The following SEMA3E variants were observed in gnomAD, a reference collection of about 807,000 sequenced individuals.
SEMA3E encodes semaphorin-3E.
A neutral mutation model predicts 93.6 loss-of-function variants in SEMA3E; 49 were observed. The ratio of observed to expected loss-of-function variants is 0.52; its 90% CI spans 0.42 to 0.66. The LOEUF is 0.66. Ranked by LOEUF, SEMA3E falls within the 30% of genes least tolerant of loss-of-function variation. SEMA3E has a pLI of 0.00. For missense variants in SEMA3E, 906 were observed against 964.8 expected (o/e 0.94, Z 0.81); for synonymous variants, 363 against 330.7 (o/e 1.10, Z -1.06).
intron 4 of SEMA3E, among the ~76,000 whole-genome samples, chr7:83,459,015 A>ATGAAGAAATATTATT (rs1789555511): frequency 6.7e-6 from 1 of 148,788 alleles, no homozygotes; most frequent in Non-Finnish European, 1.5e-5. Context: ...GAGTGGGTAA[A>ATGAAGAAATATTATT]TGAAGAAATA....
At chr7:83,382,922 A>C (rs1787806713) in intron 16 of SEMA3E, among the ~76,000 whole-genome samples, 1 of 152,012 alleles carries the variant, frequency 6.6e-6, no homozygotes, top group Admixed American at 6.6e-5. Flanking sequence ...AGATTAATTC[A>C]GTTTCTAAAG....
intron 4 of SEMA3E, among the ~76,000 whole-genome samples, chr7:83,426,062 G>C (rs1159270106): frequency 6.6e-6 from 1 of 152,104 alleles, no homozygotes; most frequent in East Asian, 1.9e-4. Flanking sequence ...TTATTAAAAA[G>C]TCAATAAATA....
intron 2 of SEMA3E, among the ~76,000 whole-genome samples, chr7:83,475,591 C>T (rs1483139181): frequency 2.6e-5 from 4 of 152,110 alleles, no homozygotes; most frequent in African/African-American, 9.7e-5. Context: ...CACGCATCAC[C>T]CCCTGCAGGA....
rs1290952317 is a variant in SEMA3E, at chr7:83,454,477, T to G, written c.456+12005A>C. ...TTATTTGTGAAAGGACAAAGAATAT[T>G]AAATGCATGGCTATAATGATCTCAG... is the stretch of plus-strand genomic sequence containing the variant. On this transcript the variant is annotated intron_variant, in intron 4 of 16. Coordinates refer to ENST00000643230, the MANE Select transcript of SEMA3E (RefSeq NM_012431.3). Among the ~76,000 whole-genome samples, 3 of 151,762 alleles carry G rather than the reference T, an allele frequency of 2.0e-5. 1 individual carries two copies. The South Asian group carries it at 6.2e-4, about 31-fold the overall frequency.
At chr7:83,429,096 T>C (rs1272501322) in intron 4 of SEMA3E, among the ~76,000 whole-genome samples, 4 of 152,132 alleles carry the variant, frequency 2.6e-5, no homozygotes, top group Non-Finnish European at 5.9e-5. Flanking sequence ...TATTAAGATT[T>C]TTTTCAAAAA....
At chr7:83,550,288 A>G (rs1022527727) in intron 1 of SEMA3E, among the ~76,000 whole-genome samples, 12 of 152,134 alleles carry the variant, frequency 7.9e-5, no homozygotes, top group Non-Finnish European at 1.5e-5. Flanking sequence ...TCAAATTGTT[A>G]TGATCTTACA....
intron 1 of SEMA3E, among the ~76,000 whole-genome samples, chr7:83,580,033 A>G (rs1046470881): frequency 6.6e-6 from 1 of 152,052 alleles, no homozygotes; most frequent in African/African-American, 2.4e-5. Flanking sequence ...GCAGCAATCA[A>G]TTTAATTTTA....
chr7:83,370,443 A>T (rs1794735117), intron 16 of SEMA3E, among the ~76,000 whole-genome samples: 1 of 151,990 alleles, frequency 6.6e-6, no homozygotes, highest in East Asian at 1.9e-4. Context: ...TTCAGTGGTG[A>T]CCCTTAAAAC....
At chr7:83,608,468 GT>G (rs1359972561) in intron 1 of SEMA3E, among the ~76,000 whole-genome samples, 1 of 151,866 alleles carries the variant, frequency 6.6e-6, no homozygotes, top group Non-Finnish European at 1.5e-5. Flanking sequence ...ATTTTTTAAA[GT>G]TTTTGTCCAG....
At chr7:83,578,476 A>C (rs1792453813) in intron 1 of SEMA3E, among the ~76,000 whole-genome samples, 1 of 152,090 alleles carries the variant, frequency 6.6e-6, no homozygotes, top group East Asian at 1.9e-4. Flanking sequence ...GAATAGCTTG[A>C]ACTCAGGAGG....
chr7:83,428,007 A>G (rs908178028), intron 4 of SEMA3E, among the ~76,000 whole-genome samples: 3 of 152,236 alleles, frequency 2.0e-5, no homozygotes, highest in Non-Finnish European at 1.5e-5. Flanking sequence ...AAATTTTTCA[A>G]TGGCTTCTCT....
chr7:83,375,891 C>T (rs1794816100), intron 16 of SEMA3E, among the ~76,000 whole-genome samples: 1 of 152,034 alleles, frequency 6.6e-6, no homozygotes, highest in Non-Finnish European at 1.5e-5. Context: ...AATAGGAACT[C>T]TGTCTCCGCC....
chr7:83,473,012 G>A (rs1320854751), intron 2 of SEMA3E, among the ~76,000 whole-genome samples: 2 of 152,164 alleles, frequency 1.3e-5, no homozygotes, highest in Non-Finnish European at 2.9e-5. Context: ...GCTGAACTGT[G>A]AGTCAATTAA....
intron 1 of SEMA3E, among the ~76,000 whole-genome samples, chr7:83,542,794 G>A (rs759212030): frequency 3.9e-5 from 6 of 152,044 alleles, no homozygotes; most frequent in Non-Finnish European, 8.8e-5. Context: ...CAGGGTTTAG[G>A]TAGTAATTTA....
chr7:83,460,500 C>T lies in SEMA3E; in HGVS notation c.456+5982G>A, dbSNP rs868649559. Among the ~76,000 whole-genome samples, 10 of 151,982 alleles carry T rather than the reference C, an allele frequency of 6.6e-5. No homozygotes were observed. The East Asian group carries it at 7.8e-4, about 12-fold the overall frequency. On this transcript the variant is annotated intron_variant, in intron 4 of 16. Coordinates refer to ENST00000643230, the MANE Select transcript of SEMA3E (RefSeq NM_012431.3). ...GGACGCCGCTCTGATTATTTACCCA[C>T]GTTTCAAAGGTGTCAGACCACGCAG... is the stretch of plus-strand genomic sequence containing the variant.
chr7:83,379,977 C>A (rs1787745764), intron 16 of SEMA3E, among the ~76,000 whole-genome samples: 1 of 151,812 alleles, frequency 6.6e-6, no homozygotes, highest in South Asian at 2.1e-4. Flanking sequence ...CATGCCAAAT[C>A]TTCCATTGGG....
intron 1 of SEMA3E, among the ~76,000 whole-genome samples, chr7:83,567,502 A>G (rs1301158496): frequency 6.6e-6 from 1 of 152,160 alleles, no homozygotes; most frequent in Non-Finnish European, 1.5e-5. Flanking sequence ...GCCATATGTT[A>G]GAACACAGAG....
chr7:83,452,131 A>G (rs372754661), intron 4 of SEMA3E, among the ~76,000 whole-genome samples: 1 of 151,414 alleles, frequency 6.6e-6, no homozygotes, highest in African/African-American at 2.4e-5. Flanking sequence ...ATGTGTATGT[A>G]TGTGTGTGTG....
At chr7:83,488,632 CCTT>C (rs1233530405) in intron 2 of SEMA3E, among the ~76,000 whole-genome samples, 11 of 152,224 alleles carry the variant, frequency 7.2e-5, no homozygotes, top group African/African-American at 2.4e-4. Context: ...GACTCTGTAT[CCTT>C]CTTCCAGAAG....
Sources: gnomAD v4.1 joint callset for allele counts (sites outside exome capture counted in the v4.1 genomes callset) on GRCh38, gnomAD v4.1.1 for gene constraint, MANE v1.5 for transcripts, NCBI Gene and HGNC (gene_info 2026-07-23, HGNC 2026-07-21) for gene names.